The following RALYL variants were observed in gnomAD, a reference collection of about 807,000 sequenced individuals.
The protein encoded by RALYL is RALY RNA binding protein like.
In RALYL, 29 loss-of-function variants were observed where a neutral mutation model predicts 35.1. The ratio of observed to expected loss-of-function variants is 0.83; its 90% CI spans 0.61 to 1.13. The LOEUF (loss-of-function observed/expected upper bound fraction) is 1.13, where lower values mean the gene tolerates loss of function less well. Ranked by LOEUF, RALYL falls within the 50% of genes most tolerant of loss-of-function variation. The probability of loss-of-function intolerance (pLI) is 0.00; values close to 1 mark genes in which losing one functional copy is unlikely to be tolerated. For synonymous variants in RALYL, 120 were observed against 127.6 expected (o/e 0.94, Z 0.40); for missense variants, 359 against 360.4 (o/e 1.00, Z 0.03).
intron 2 of RALYL, among the ~76,000 whole-genome samples, chr8:84,729,561 C>A (rs1845707201): frequency 6.6e-6 from 1 of 151,734 alleles, no homozygotes; most frequent in African/African-American, 2.4e-5. Context: ...AATAGAGACA[C>A]AAAAAACCCT....
intron 7 of RALYL, among the ~76,000 whole-genome samples, chr8:84,879,814 C>G (rs1841857733): frequency 6.6e-6 from 1 of 151,968 alleles, no homozygotes; most frequent in Admixed American, 6.6e-5. Context: ...AACCTTTCAA[C>G]TGCTTACTGG....
intron 1 of RALYL, among the ~76,000 whole-genome samples, chr8:84,310,915 C>T (rs1340237439): frequency 3.5e-5 from 5 of 144,472 alleles, no homozygotes; most frequent in African/African-American, 7.8e-5. Flanking sequence ...GGCGCGGTGG[C>T]GGGCGCCTGT....
At chr8:84,741,479 C>G (rs1369661522) in intron 2 of RALYL, among the ~76,000 whole-genome samples, 4 of 152,048 alleles carry the variant, frequency 2.6e-5, no homozygotes, top group African/African-American at 9.7e-5. Context: ...AAAGGCTGCT[C>G]TCCGCTTCCA....
At chr8:84,704,489 T>C (rs1840824816) in intron 2 of RALYL, among the ~76,000 whole-genome samples, 1 of 128,170 alleles carries the variant, frequency 7.8e-6, no homozygotes, top group Non-Finnish European at 1.8e-5. Flanking sequence ...ACACAACAAC[T>C]CATTTATTCC....
At chr8:84,258,826 T>C (rs1831684875) in intron 1 of RALYL, among the ~76,000 whole-genome samples, 1 of 152,174 alleles carries the variant, frequency 6.6e-6, no homozygotes, top group South Asian at 2.1e-4. Flanking sequence ...TCATTGTCTT[T>C]GAAAGTTCAG....
At chr8:84,675,984 T>C (rs1009991334) in intron 2 of RALYL, among the ~76,000 whole-genome samples, 1 of 152,200 alleles carries the variant, frequency 6.6e-6, no homozygotes, top group East Asian at 1.9e-4. Context: ...AATTGATGTG[T>C]TAATTAGTGT....
At chr8:84,409,649 T>C (rs1271549993) in intron 1 of RALYL, among the ~76,000 whole-genome samples, 2 of 152,008 alleles carry the variant, frequency 1.3e-5, no homozygotes, top group Non-Finnish European at 2.9e-5. Flanking sequence ...GAAGAATGAT[T>C]GATATGAGAC....
At chr8:84,367,584 G>A (rs28368757) in intron 1 of RALYL, among the ~76,000 whole-genome samples, 98,453 of 151,366 alleles carry the variant, frequency 0.65, 33,007 homozygotes, top group African/African-American at 0.82. Context: ...ATTTTTTCAG[G>A]TGCCTCACAA....
intron 1 of RALYL, among the ~76,000 whole-genome samples, chr8:84,251,709 T>G (rs1830228656): frequency 6.6e-6 from 1 of 152,168 alleles, no homozygotes. Flanking sequence ...TGTATTTTAA[T>G]AAGGGCATTA....
At chr8:84,431,267 T>C (rs2132685172) in intron 1 of RALYL, among the ~76,000 whole-genome samples, 1 of 152,168 alleles carries the variant, frequency 6.6e-6, no homozygotes, top group Admixed American at 6.6e-5. Flanking sequence ...TCAGAACCAG[T>C]GCTGGAAGCC....
intron 2 of RALYL, among the ~76,000 whole-genome samples, chr8:84,705,021 T>C (rs1248682608): frequency 1.3e-5 from 2 of 152,206 alleles, no homozygotes; most frequent in Non-Finnish European, 2.9e-5. Flanking sequence ...CACTAGCATG[T>C]GGGTCCTTCT....
intron 1 of RALYL, among the ~76,000 whole-genome samples, chr8:84,511,553 C>T (rs2057624024): frequency 6.6e-6 from 1 of 152,136 alleles, no homozygotes; most frequent in African/African-American, 2.4e-5. Context: ...GAGTTTGGAA[C>T]ATTTGAAATC....
intron 1 of RALYL, among the ~76,000 whole-genome samples, chr8:84,427,328 A>G (rs1164172484): frequency 6.6e-6 from 1 of 152,196 alleles, no homozygotes; most frequent in Admixed American, 6.5e-5. Flanking sequence ...CTTTTTAGAT[A>G]ACAAAACTGA....
intron 1 of RALYL, among the ~76,000 whole-genome samples, chr8:84,445,750 C>T (rs1442946911): frequency 1.1e-4 from 16 of 151,500 alleles, no homozygotes; most frequent in Non-Finnish European, 1.8e-4. Context: ...AATTGAAAAA[C>T]GTGGGCTCCC....
chr8:84,655,520 G>A (rs1829795583), intron 2 of RALYL, among the ~76,000 whole-genome samples: 1 of 151,998 alleles, frequency 6.6e-6, no homozygotes, highest in South Asian at 2.1e-4. Context: ...GTAGAGACGG[G>A]GTTTTGCCAT....
At chr8:84,610,879 T>C (rs528068209) in intron 2 of RALYL, among the ~76,000 whole-genome samples, 1 of 152,264 alleles carries the variant, frequency 6.6e-6, no homozygotes, top group East Asian at 1.9e-4. Context: ...TACATGTGTG[T>C]ATGTGTGTAT....
chr8:84,553,995 G>A (rs1264241539), intron 2 of RALYL, among the ~76,000 whole-genome samples: 2 of 152,082 alleles, frequency 1.3e-5, no homozygotes, highest in African/African-American at 4.8e-5. Flanking sequence ...AAAATGCCTT[G>A]AAAACAAAGA....
At position 84,619,963 on chromosome 8, in the gene RALYL, G is replaced by A. The variant is rs1428792175; in HGVS notation, c.256+90386G>A. ...TTGTAGGGTTTCTGCTGAGAGATCC[G>A]CTGTTAGTCTGATGGGCTTCCCTTT... On this transcript the variant is annotated intron_variant, in intron 2 of 8. Transcript: ENST00000521268. 1.3e-3 allele frequency among the ~76,000 whole-genome samples: 187 copies of A among 145,138 alleles called. 1 individual carries two copies. The highest frequency in any genetic ancestry group is 4.1e-3 in the African/African-American group (158 of 38,912).
chr8:84,281,256 A>G (rs1041406912), intron 1 of RALYL, among the ~76,000 whole-genome samples: 3 of 152,178 alleles, frequency 2.0e-5, no homozygotes, highest in Non-Finnish European at 4.4e-5. Context: ...ATCTCTGGGT[A>G]ATTTTAGATA....
Sources: allele counts gnomAD v4.1 joint callset (sites outside exome capture counted in the v4.1 genomes callset), GRCh38; gene constraint gnomAD v4.1.1; transcripts MANE v1.5; gene names NCBI Gene and HGNC (gene_info 2026-07-23, HGNC 2026-07-21).